Variants in KANK4 observed in about 807,000 individuals in gnomAD.
KANK4 encodes KN motif and ankyrin repeat domain-containing protein 4.
KANK4 carries 50 observed loss-of-function variants against 80.8 expected under a neutral mutation model. The observed-to-expected ratio is 0.62, with a 90% CI of 0.49 to 0.78. The LOEUF (loss-of-function observed/expected upper bound fraction) is 0.78, where lower values mean the gene tolerates loss of function less well. Among genes scored for constraint, KANK4 ranks in the 30% least tolerant of loss-of-function variants. KANK4 has a pLI of 0.00. For synonymous variants in KANK4, 465 were observed against 506.9 expected (o/e 0.92, Z 1.11); for missense variants, 1,196 against 1,240.1 (o/e 0.96, Z 0.53).
chr1:62,270,486 G>A (rs1043767668), intron 4 of KANK4, among the ~76,000 whole-genome samples: 2 of 151,660 alleles, frequency 1.3e-5, no homozygotes, highest in African/African-American at 4.9e-5. Flanking sequence ...CTGGATTCAA[G>A]CGATTCTCCT....
intron 9 of KANK4, among the ~76,000 whole-genome samples, chr1:62,245,558 T>C (rs1044391686): frequency 6.6e-6 from 1 of 152,228 alleles, no homozygotes; most frequent in Non-Finnish European, 1.5e-5. Context: ...TAAAGTCATC[T>C]GCTTAAATCA....
In KANK4 at chr1:62,273,787, G is replaced by T. The variant is rs1426493070; in HGVS notation, c.1317C>A (p.Ser439Arg). The stretch of plus-strand genomic sequence containing the variant: ...GGTGCCCCCAGCTTTCAGACTCCAT[G>T]CTGCCTAGAAGGTTGACTTCAATGC... ...DKGIEVNLLGSMESESWGHRG... is the reference protein window; with the variant it reads ...DKGIEVNLLGRMESESWGHRG... Residue 439 changes from serine (S) to arginine (R), a missense_variant, in exon 3 of 10, where the codon AGC (serine) becomes AGA (arginine). By Grantham distance (110) the Ser-to-Arg change is moderately radical. Around this residue, in one of 3 missense-constraint regions of KANK4, gnomAD observed 1,154 missense variants for 1,179.6 expected, o/e 0.98. Coordinates refer to ENST00000371153, the MANE Select transcript of KANK4 (RefSeq NM_181712.5). The T allele has an allele frequency of 2.5e-6, 4 of 1,614,060 alleles. No homozygotes were observed. The East Asian group carries it at 8.9e-5, about 36-fold the overall frequency.
At position 62,238,329 on chromosome 1, in the gene KANK4, A is replaced by G. The variant is rs1671254702; in HGVS notation, c.2936T>C (p.Ile979Thr). The change falls in exon 10 of 10, where the codon ATT becomes ACT. Residue 979 changes from isoleucine (I) to threonine (T), a missense_variant. Physicochemically the swap from Ile to Thr is moderately conservative, Grantham distance 89. Coordinates refer to ENST00000371153, the MANE Select transcript of KANK4 (RefSeq NM_181712.5). ...CGCGTGGGCTCTCAGAAGCCCAGCA[A>G]TTTCCATATGGGTGGGTGACTTCAG... Reference protein sequence around the residue: ...IALKSPTHMEIAGLLRAHAEQ... With the variant: ...IALKSPTHMETAGLLRAHAEQ... The G allele has an allele frequency of 1.2e-6, 2 of 1,614,074 alleles. No individual in the cohort carries two copies. Among genetic ancestry groups the G allele is most frequent in the African/African-American group, 1.3e-5 (1 of 75,026 alleles).
chr1:62,266,146 C>T (rs1672013303), intron 6 of KANK4, among the ~76,000 whole-genome samples: 2 of 152,218 alleles, frequency 1.3e-5, no homozygotes, highest in Non-Finnish European at 2.9e-5. Flanking sequence ...TGGTGCATTG[C>T]CTAATGACAC....
Position 62,253,156 on chromosome 1 carries a change from T to A in KANK4, c.2593A>T (p.Thr865Ser). ...NKAGYTAVMITPLASAETNED... is the reference protein window; with the variant it reads ...NKAGYTAVMISPLASAETNED... ...TTGGTCTCTGCGGAAGCCAAGGGAG[T>A]GATCATTACGGCAGTGTAGCCAGCT... is the stretch of plus-strand genomic sequence containing the variant. Residue 865 changes from threonine to serine, a missense_variant, in exon 8 of 10, where the codon ACT becomes TCT. Thr to Ser is a moderately conservative substitution (Grantham distance 58, BLOSUM62 1). Transcript: ENST00000371153. 1.2e-6 allele frequency: 2 copies of A among 1,613,198 alleles called. No homozygotes were observed. Among genetic ancestry groups the A allele is most frequent in the Non-Finnish European group, 1.7e-6 (2 of 1,179,808 alleles).
At chr1:62,298,215 G>GT (rs1557505132) in intron 1 of KANK4, 1 of 152,156 alleles carries the variant, frequency 6.6e-6, no homozygotes, top group Non-Finnish European at 1.5e-5. Context: ...GATCGTCTCT[G>GT]TATCATTCCA....
At chr1:62,279,196 G>A (rs12029671) in intron 2 of KANK4, among the ~76,000 whole-genome samples, 1,527 of 51,742 alleles carry the variant, frequency 0.03, 23 homozygotes, top group African/African-American at 0.089. Context: ...AAGCTAGCGC[G>A]CGCACACACA....
At chr1:62,299,286 C>A (rs1644392758) in intron 1 of KANK4, among the ~76,000 whole-genome samples, 1 of 152,110 alleles carries the variant, frequency 6.6e-6, no homozygotes, top group South Asian at 2.1e-4. Flanking sequence ...GTCTCAAAGT[C>A]CTGGCTCAAG....
intron 1 of KANK4, among the ~76,000 whole-genome samples, chr1:62,307,661 G>A (rs55862073): frequency 0.058 from 8,747 of 152,094 alleles, 716 homozygotes; most frequent in African/African-American, 0.19. Flanking sequence ...AAGCCAGTTG[G>A]CTGTGGGACC....
At chr1:62,240,761 CA>C (rs1314442159) in intron 9 of KANK4, among the ~76,000 whole-genome samples, 1 of 152,164 alleles carries the variant, frequency 6.6e-6, no homozygotes, top group Non-Finnish European at 1.5e-5. Context: ...TCTGTGATGT[CA>C]CAGCACTCTT....
chr1:62,272,795 T>TTTG, intron 3 of KANK4: 1 of 149,336 alleles, frequency 6.7e-6, no homozygotes, highest in East Asian at 1.9e-4. Context: ...CTTTTTTTCT[T>TTTG]TTTTTTTTTT....
chr1:62,313,740 C>G (rs1644516398), intron 1 of KANK4, among the ~76,000 whole-genome samples: 1 of 152,098 alleles, frequency 6.6e-6, no homozygotes. Flanking sequence ...AGGACAAATA[C>G]CTAATGCATG....
chr1:62,274,885 G>A lies in KANK4; in HGVS notation c.219C>T (p.Phe73=). The change falls in exon 3 of 10, where the codon TTC becomes TTT. Residue 73 remains phenylalanine (F), a synonymous_variant. Transcript: ENST00000371153. The part of the protein sequence containing the change: ...QAKFSTLPRN[F]SLPDSGARPP... ...GGCGAGCCCCACTGTCAGGAAGGCT[G>A]AAGTTTCGGGGCAGAGTGCTAAATT... The A allele has an allele frequency of 6.2e-7, 1 of 1,614,218 alleles. No homozygotes were observed. Among genetic ancestry groups the A allele is most frequent in the Non-Finnish European group, 8.5e-7 (1 of 1,180,014 alleles).
At chr1:62,308,236 C>T (rs11207957) in intron 1 of KANK4, among the ~76,000 whole-genome samples, 30,262 of 152,104 alleles carry the variant, frequency 0.2, 3,328 homozygotes, top group Middle Eastern at 0.33. Flanking sequence ...ACAGTGGGGA[C>T]GCACCTTCCC....
chr1:62,262,610 A>T (rs1010575852), intron 7 of KANK4, among the ~76,000 whole-genome samples: 1 of 152,228 alleles, frequency 6.6e-6, no homozygotes, highest in Admixed American at 6.5e-5. Flanking sequence ...TCACATATAC[A>T]TATAATAAAA....
Position 62,273,882 on chromosome 1 carries a change from CCT to C in KANK4, c.1220_1221del (p.Gln407ArgfsTer10). ...GTGTTCACCATCACGTCCGTCTGGC[CCT>C]GAGTGTCTTTGGCGTTCTCTTGGTG... ...QFHQENAKDT[Q>X]GQTDVMVNTD... On this transcript the variant is annotated frameshift_variant, in exon 3 of 10. Transcript: ENST00000371153. LOFTEE classifies it high-confidence loss of function. 6.2e-7 allele frequency: 1 copy of C among 1,614,200 alleles called. No homozygotes were observed. The highest frequency in any genetic ancestry group is 2.2e-5 in the East Asian group (1 of 44,880).
At chr1:62,286,024 G>A (rs1421974331) in intron 1 of KANK4, among the ~76,000 whole-genome samples, 2 of 152,214 alleles carry the variant, frequency 1.3e-5, no homozygotes, top group Admixed American at 6.5e-5. Context: ...ACCTCCTGCC[G>A]ACCTGGCAAA....
intron 5 of KANK4, among the ~76,000 whole-genome samples, chr1:62,267,099 C>T (rs1352004737): frequency 2.0e-5 from 3 of 149,932 alleles, no homozygotes; most frequent in East Asian, 3.9e-4. Context: ...GGTGGGGGGT[C>T]GTGGTAGGGG....
chr1:62,237,394 G>T lies in KANK4; in HGVS notation c.*883C>A, dbSNP rs1671230777. 6.6e-6 allele frequency: 1 copy of T among 152,154 alleles called. No individual in the cohort carries two copies. The highest frequency in any genetic ancestry group is 2.4e-5 in the African/African-American group (1 of 41,416). 9.4% of individuals were successfully genotyped at this position (152,154 alleles called of 1,614,324 possible). On this transcript the variant is annotated 3_prime_UTR_variant, in exon 10 of 10. Transcript: ENST00000371153. The stretch of plus-strand genomic sequence containing the variant: ...GAATTACCATGAGGTAATGGATACG[G>T]CTATGCAGGTGGCTTCTTGATGACA...
Sources: gnomAD v4.1 joint callset for allele counts (sites outside exome capture counted in the v4.1 genomes callset) on GRCh38, gnomAD v4.1.1 for gene constraint, gnomAD v4.1.1 regional missense constraint, MANE v1.5 for transcripts, NCBI Gene and HGNC (gene_info 2026-07-23, HGNC 2026-07-21) for gene names.